DST: variants seen among roughly 807,000 people sequenced by gnomAD.
DST encodes bullous pemphigoid antigen.
DST carries 253 observed loss-of-function variants against 875.2 expected under a neutral mutation model. That is an observed-to-expected ratio of 0.29 (90% CI 0.26 to 0.32). DST has a LOEUF of 0.32. DST is among the 10% of genes least tolerant of loss of function. The probability of loss-of-function intolerance (pLI) is 1.00; values close to 1 mark genes in which losing one functional copy is unlikely to be tolerated. For synonymous variants in DST, 3,124 were observed against 3,197.1 expected (o/e 0.98, Z 0.77); for missense variants, 8,287 against 9,111.6 (o/e 0.91, Z 3.68).
chr6:56,535,575 A>G (rs1202446347), intron 62 of DST, among the ~76,000 whole-genome samples: 1 of 152,260 alleles, frequency 6.6e-6, no homozygotes, highest in Non-Finnish European at 1.5e-5. Context: ...ATTAGCAATG[A>G]ATGATTCAAA....
intron 3 of DST, among the ~76,000 whole-genome samples, chr6:56,873,878 A>G (rs4443500): frequency 0.3 from 45,289 of 152,088 alleles, 8,865 homozygotes; most frequent in African/African-American, 0.56. Context: ...CCAGCACAAA[A>G]GAATGATAAA....
intron 61 of DST, among the ~76,000 whole-genome samples, chr6:56,539,378 A>T (rs987362805): frequency 5.9e-5 from 9 of 152,216 alleles, no homozygotes; most frequent in African/African-American, 2.2e-4. Context: ...TTAAATTAGC[A>T]TGCCATTTAC....
chr6:56,663,718 A>G (rs2099056874), intron 10 of DST, among the ~76,000 whole-genome samples: 1 of 152,244 alleles, frequency 6.6e-6, no homozygotes, highest in African/African-American at 2.4e-5. Flanking sequence ...AAACTTTAAT[A>G]TAATGAAATA....
In DST at chr6:56,670,129, CGTGCGTGTGTGTGTGT is replaced by C. The variant is rs1409080497; in HGVS notation, c.1214+496_1214+511del. On this transcript the variant is annotated intron_variant, in intron 10 of 103. Coordinates refer to ENST00000680361, the MANE Select transcript of DST (RefSeq NM_001374736.1). ...TATTACAGCTGTGTGTGCGAGCGCC[CGTGCGTGTGTGTGTGT>C]GTGTGTGTGTGTGTGTGTGTGTGTG... Among the ~76,000 whole-genome samples the C allele has an allele frequency of 6.5e-5, 7 of 107,824 alleles. No individual in the cohort carries two copies. In the Admixed American group the frequency reaches 7.5e-4, roughly 11 times the overall value. The allele number at this position is 107,824 out of a possible 152,430, so 70.7% of individuals were successfully genotyped here. A position where few individuals can be genotyped will look rare whatever the true frequency, so the allele number is the denominator to read the frequency against.
intron 92 of DST, 75 bp from the exon 93 acceptor site, chr6:56,474,077 G>A (rs1305008184): frequency 1.6e-6 from 2 of 1,258,472 alleles, no homozygotes; most frequent in Non-Finnish European, 2.2e-6. Context: ...ACTAAAAGCA[G>A]AAGGATAAAA....
intron 50 of DST, among the ~76,000 whole-genome samples, chr6:56,574,920 C>T (rs1162352040): frequency 6.6e-6 from 1 of 152,194 alleles, no homozygotes; most frequent in African/African-American, 2.4e-5. Context: ...TAACATCTTA[C>T]TGACTTGTAT....
chr6:56,724,287 T>C (rs886621592), intron 5 of DST, among the ~76,000 whole-genome samples: 1 of 152,232 alleles, frequency 6.6e-6, no homozygotes, highest in Non-Finnish European at 1.5e-5. Flanking sequence ...AGGAATCATT[T>C]CTACTTTTAG....
At chr6:56,600,352 T>G in intron 44 of DST, 131 bp from the exon 45 acceptor site, 1 of 801,612 alleles carries the variant, frequency 1.2e-6, no homozygotes, top group South Asian at 1.8e-5. Flanking sequence ...GTAAACATGA[T>G]AGCAGTAGGG....
At chr6:56,791,442 T>C (rs1176351405) in intron 4 of DST, among the ~76,000 whole-genome samples, 1 of 152,064 alleles carries the variant, frequency 6.6e-6, no homozygotes, top group Non-Finnish European at 1.5e-5. Context: ...AAAAGAAACC[T>C]ACAGTATCAA....
In DST at chr6:56,479,373, T is replaced by G. The variant is rs550446887; in HGVS notation, c.21532-1885A>C. 2.7e-3 allele frequency among the ~76,000 whole-genome samples: 417 copies of G among 152,254 alleles called. 2 individuals carry two copies. Among genetic ancestry groups the G allele is most frequent in the African/African-American group, 8.8e-3 (366 of 41,562 alleles). On this transcript the variant is annotated intron_variant, in intron 90 of 103. Transcript: ENST00000680361. ...CTATGAAAAACAGTATGAAAATATTTCAAAAAACTAAAATTAGAACTACCA... is the reference window on the plus strand; with the variant it reads ...CTATGAAAAACAGTATGAAAATATTGCAAAAAACTAAAATTAGAACTACCA...
intron 82 of DST, among the ~76,000 whole-genome samples, chr6:56,494,668 A>G (rs1325829289): frequency 6.6e-6 from 1 of 152,118 alleles, no homozygotes; most frequent in Non-Finnish European, 1.5e-5. Context: ...GCACAGTAAT[A>G]TATTTAAGTT....
intron 4 of DST, among the ~76,000 whole-genome samples, chr6:56,794,731 T>C (rs1297878969): frequency 6.6e-6 from 1 of 152,144 alleles, no homozygotes; most frequent in Non-Finnish European, 1.5e-5. Flanking sequence ...CTAATCAGCA[T>C]GACAAGAGAC....
At position 56,605,815 on chromosome 6, in the gene DST, C is replaced by T. The variant is rs374147005; in HGVS notation, c.8813G>A (p.Ser2938Asn). The change falls in exon 40 of 104, where the codon AGT (serine) becomes AAT (asparagine). Residue 2938 changes from serine to asparagine, a missense_variant. Transcript: ENST00000680361. ...GATATTATTATTATCATGTGAAATACTTGCAGGGCCAAAAGTTTTTTCAGA... is the reference window on the plus strand; with the variant it reads ...GATATTATTATTATCATGTGAAATATTTGCAGGGCCAAAAGTTTTTTCAGA... ...TESEKTFGPA[S>N]ISHDNNNISS... 6.2e-7 allele frequency: 1 copy of T among 1,612,272 alleles called. No individual in the cohort carries two copies. Among genetic ancestry groups the T allele is most frequent in the Non-Finnish European group, 8.5e-7 (1 of 1,179,186 alleles).
intron 4 of DST, among the ~76,000 whole-genome samples, chr6:56,840,612 G>A (rs1383032457): frequency 6.6e-6 from 1 of 152,104 alleles, no homozygotes; most frequent in African/African-American, 2.4e-5. Flanking sequence ...GCAAACAGTT[G>A]CCTATTTTTG....
At chr6:56,751,624 C>T (rs1023216938) in intron 4 of DST, among the ~76,000 whole-genome samples, 3 of 152,084 alleles carry the variant, frequency 2.0e-5, no homozygotes, top group African/African-American at 4.8e-5. Context: ...TGGAATTTTT[C>T]CCAAGAGATA....
intron 72 of DST, among the ~76,000 whole-genome samples, chr6:56,514,217 A>C (rs930912957): frequency 1.3e-5 from 2 of 152,232 alleles, no homozygotes; most frequent in East Asian, 1.9e-4. Context: ...TCAGCATAGA[A>C]ATCCATGAAA....
Position 56,552,990 on chromosome 6 carries a change from G to C in DST, c.15802C>G (p.Leu5268Val). 6.2e-7 allele frequency: 1 copy of C among 1,613,934 alleles called. No individual in the cohort carries two copies. The highest frequency in any genetic ancestry group is 8.5e-7 in the Non-Finnish European group (1 of 1,179,882). The part of the protein sequence containing the change: ...TEQLHSKKFC[L>V]ENMTQKFKEF... ...TTAAACTTCTGAGTCATGTTCTCCAGACAGAATTTCTTACTGTGAAGTTGT... is the reference window on the plus strand; with the variant it reads ...TTAAACTTCTGAGTCATGTTCTCCACACAGAATTTCTTACTGTGAAGTTGT... Residue 5268 changes from leucine (L) to valine (V), a missense_variant, in exon 61 of 104, where the codon CTG (leucine) becomes GTG (valine). Leu to Val is a conservative substitution (Grantham distance 32). Around this residue, in one of 10 missense-constraint regions of DST, gnomAD observed 1,513 missense variants for 1,677.8 expected, o/e 0.90. Coordinates refer to ENST00000680361, the MANE Select transcript of DST (RefSeq NM_001374736.1).
rs10660963 is a variant in DST, at chr6:56,694,216, T to TAAAAAAA, written c.1047+5430_1047+5436dup. Among the ~76,000 whole-genome samples, 238 of 138,470 alleles carry TAAAAAAA rather than the reference T, an allele frequency of 1.7e-3. No individual in the cohort carries two copies. In the Middle Eastern group the frequency reaches 0.02, roughly 11 times the overall value. The allele number at this position is 138,470 out of a possible 152,430, so 90.8% of individuals were successfully genotyped here. On this transcript the variant is annotated intron_variant, in intron 9 of 103. Transcript: ENST00000680361. The stretch of plus-strand genomic sequence containing the variant: ...TTCTAACACTGAGTCATAGATATGG[T>TAAAAAAA]AAAAAAAAAAAAAAATTAGAATAGC...
rs80179141 is a variant in DST, at chr6:56,701,731, T to G, written c.954+157A>C. Reference sequence around the variant, plus strand: ...ATTAACTTCTTTTCTTGGGAGCAAATGTTTAAAAACATTTTTAAATATTTG... The same window carrying G: ...ATTAACTTCTTTTCTTGGGAGCAAAGGTTTAAAAACATTTTTAAATATTTG... On this transcript the variant is annotated intron_variant, in intron 8 of 103. Transcript: ENST00000680361. Among the ~76,000 whole-genome samples the G allele has an allele frequency of 6.2e-3, 939 of 152,340 alleles. 11 individuals carry two copies. Among genetic ancestry groups the G allele is most frequent in the African/African-American group, 0.022 (911 of 41,590 alleles).
Sources: gnomAD v4.1 joint callset for allele counts (sites outside exome capture counted in the v4.1 genomes callset) on GRCh38, gnomAD v4.1.1 for gene constraint, gnomAD v4.1.1 regional missense constraint, MANE v1.5 for transcripts, NCBI Gene and HGNC (gene_info 2026-07-23, HGNC 2026-07-21) for gene names.